The following CENPE variants were observed in gnomAD, a reference collection of about 807,000 sequenced individuals.
CENPE encodes the protein centromere-associated protein E.
CENPE carries 145 observed loss-of-function variants against 336.1 expected under a neutral mutation model. The ratio of observed to expected loss-of-function variants is 0.43; its 90% confidence interval spans 0.38 to 0.50. The LOEUF (loss-of-function observed/expected upper bound fraction) is 0.50, where lower values mean the gene tolerates loss of function less well. Ranked by LOEUF, CENPE falls within the 20% of genes least tolerant of loss-of-function variation. CENPE has a pLI of 0.00. For missense variants in CENPE, 2,719 were observed against 3,023.3 expected (o/e 0.90, Z 2.36); for synonymous variants, 1,013 against 984.8 (o/e 1.03, Z -0.54).
At position 103,161,206 on chromosome 4, in the gene CENPE, A is replaced by G; in HGVS notation, c.2011T>C (p.Leu671=). The change falls in exon 20 of 49, where the codon TTA becomes CTA. Residue 671 remains leucine (L), a synonymous_variant. Transcript: ENST00000265148. ...TTTGCCTCCAACTGGCTTTGATATA[A>G]CTGAATATCATTTTCCATTTGCTTG... ...TYKQMENDIQ[L]YQSQLEAKKK... The G allele has an allele frequency of 8.1e-6, 13 of 1,610,556 alleles. No homozygotes were observed. The highest frequency in any genetic ancestry group is 1.1e-5 in the Non-Finnish European group (13 of 1,178,756).
At chr4:103,185,739 C>T (rs1756712639) in intron 9 of CENPE, 71 bp downstream of exon 9, 2 of 879,534 alleles carry the variant, frequency 2.3e-6, no homozygotes, top group African/African-American at 1.7e-5. Context: ...TCTAAAAATG[C>T]CTGGTAGTAC....
intron 8 of CENPE, among the ~76,000 whole-genome samples, chr4:103,187,878 G>A (rs1270715994): frequency 3.9e-5 from 6 of 152,166 alleles, no homozygotes; most frequent in Admixed American, 6.5e-5. Context: ...AGACCCATCA[G>A]TGTGCTGTAT....
At chr4:103,121,618 G>A (rs1750629746) in intron 43 of CENPE, among the ~76,000 whole-genome samples, 1 of 148,238 alleles carries the variant, frequency 6.7e-6, no homozygotes, top group South Asian at 2.1e-4. Flanking sequence ...GCATGATCAT[G>A]GCTCACTGCA....
chr4:103,122,858 A>G lies in CENPE; in HGVS notation c.7143+13T>C. 6.3e-7 allele frequency: 1 copy of G among 1,587,138 alleles called. No homozygotes were observed. The highest frequency in any genetic ancestry group is 1.1e-5 in the South Asian group (1 of 89,594). On this transcript the variant is annotated intron_variant, in intron 43 of 48. Transcript: ENST00000265148. ...GCTGCAAACTGAAGAACATTTTATA[A>G]GAAATTATATACCTCTGTGGTTAAC...
intron 16 of CENPE, among the ~76,000 whole-genome samples, chr4:103,172,424 A>C (rs1755491941): frequency 6.6e-6 from 1 of 152,028 alleles, no homozygotes; most frequent in African/African-American, 2.4e-5. Context: ...AAAAACTCTT[A>C]ATTAGGTATA....
At chr4:103,195,005 A>G in intron 5 of CENPE, 109 bp downstream of exon 5, 1 of 993,922 alleles carries the variant, frequency 1.0e-6, no homozygotes, top group Non-Finnish European at 1.4e-6. Flanking sequence ...CTCACATACT[A>G]TAGAAATAGG....
At chr4:103,191,283 C>A (rs973645326) in intron 8 of CENPE, among the ~76,000 whole-genome samples, 5 of 152,274 alleles carry the variant, frequency 3.3e-5, no homozygotes, top group East Asian at 1.9e-4. Context: ...TTGACCCAGC[C>A]ATCCCATTAC....
Position 103,149,125 on chromosome 4 carries a change from T to C in CENPE, c.3680A>G (p.Glu1227Gly). The C allele has an allele frequency of 6.3e-7, 1 of 1,586,340 alleles. No homozygotes were observed. Among genetic ancestry groups the C allele is most frequent in the Non-Finnish European group, 8.5e-7 (1 of 1,173,098 alleles). The change falls in exon 27 of 49, where the codon GAA (glutamate) becomes GGA (glycine). Residue 1227 changes from glutamate to glycine, a missense_variant. Glu to Gly is a moderately conservative substitution (Grantham distance 98). Coordinates refer to ENST00000265148, the MANE Select transcript of CENPE (RefSeq NM_001813.3). ...GAAAAGGGTATAACTTACTGTAGCT[T>C]CAATTTCTCTTATATATCCTCTAAG... ...DHLRGYIREI[E>G]ATGLQTKEEL...
At chr4:103,114,663 G>A (rs1175854453) in intron 45 of CENPE, 111 bp from the exon 46 acceptor site, 2 of 667,064 alleles carry the variant, frequency 3.0e-6, no homozygotes, top group Admixed American at 2.4e-5. Context: ...CATAATGCCT[G>A]TAAGTGGCAG....
At chr4:103,126,025 C>T (rs1220319089) in intron 42 of CENPE, among the ~76,000 whole-genome samples, 2 of 152,106 alleles carry the variant, frequency 1.3e-5, no homozygotes, top group African/African-American at 4.8e-5. Context: ...CAGAGAATTA[C>T]AACTTAGAGC....
chr4:103,137,654 A>G (rs1479580712), intron 39 of CENPE, among the ~76,000 whole-genome samples: 2 of 152,186 alleles, frequency 1.3e-5, no homozygotes, highest in African/African-American at 4.8e-5. Flanking sequence ...GCATTCCAAC[A>G]GGTGTGACTG....
At chr4:103,135,572 CTAG>C (rs143736152) in intron 40 of CENPE, among the ~76,000 whole-genome samples, 1,702 of 152,272 alleles carry the variant, frequency 0.011, 30 homozygotes, top group African/African-American at 0.038. Flanking sequence ...GAAACCCTCC[CTAG>C]TAGTACAGTC....
Position 103,132,732 on chromosome 4 carries a change from C to T in CENPE, c.6885G>A (p.Arg2295=). ...LKNGIQKEND[R]ICQVNNFFNN... Reference sequence around the variant, plus strand: ...TAAAGAAGTTATTCACTTGACAAATCCTATCATTTTCTTTCTGGATGCCAT... The same window carrying T: ...TAAAGAAGTTATTCACTTGACAAATTCTATCATTTTCTTTCTGGATGCCAT... Residue 2295 remains arginine, a synonymous_variant, in exon 42 of 49, where the codon AGG becomes AGA. Coordinates refer to ENST00000265148, the MANE Select transcript of CENPE (RefSeq NM_001813.3). 6.4e-7 allele frequency: 1 copy of T among 1,563,334 alleles called. No individual in the cohort carries two copies. The highest frequency in any genetic ancestry group is 8.8e-7 in the Non-Finnish European group (1 of 1,141,052).
chr4:103,145,373 A>T, intron 31 of CENPE, 39 bp from the exon 32 acceptor site: 1 of 1,398,396 alleles, frequency 7.2e-7, no homozygotes, highest in South Asian at 1.3e-5. Context: ...AGTCATAAAA[A>T]TATGTAAACA....
intron 44 of CENPE, among the ~76,000 whole-genome samples, chr4:103,117,001 G>A (rs1750187513): frequency 6.6e-6 from 1 of 151,670 alleles, no homozygotes; most frequent in Non-Finnish European, 1.5e-5. Context: ...GAAAAAAGTT[G>A]GAAATAATGA....
At chr4:103,147,693 T>G (rs766623440) in intron 28 of CENPE, 47 bp from the exon 29 acceptor site, 1 of 1,533,466 alleles carries the variant, frequency 6.5e-7, no homozygotes, top group Non-Finnish European at 8.7e-7. Context: ...GAGATTATGA[T>G]CATAATTTTT....
At chr4:103,123,824 T>C (rs1471363553) in intron 42 of CENPE, among the ~76,000 whole-genome samples, 1 of 152,210 alleles carries the variant, frequency 6.6e-6, no homozygotes, top group Non-Finnish European at 1.5e-5. Context: ...AGCCCTTTAC[T>C]GCAAGTAAGA....
chr4:103,193,984 A>G (rs1757553793), intron 8 of CENPE, among the ~76,000 whole-genome samples: 1 of 152,046 alleles, frequency 6.6e-6, no homozygotes, highest in South Asian at 2.1e-4. Context: ...CTATAACCCT[A>G]TAGCCCTGAC....
chr4:103,129,181 G>A (rs144691404), intron 42 of CENPE, among the ~76,000 whole-genome samples: 11 of 152,188 alleles, frequency 7.2e-5, no homozygotes, highest in Admixed American at 1.3e-4. Context: ...AAGGCAGTTC[G>A]ATTAGGCCTA....
Sources: allele counts gnomAD v4.1 joint callset (sites outside exome capture counted in the v4.1 genomes callset), GRCh38; gene constraint gnomAD v4.1.1; transcripts MANE v1.5; gene names NCBI Gene and HGNC (gene_info 2026-07-23, HGNC 2026-07-21).